The following CUL4B variants were observed in gnomAD, a reference collection of about 807,000 sequenced individuals.
CUL4B encodes the protein cullin-4B.
In CUL4B, 1 loss-of-function variant was observed where a neutral mutation model predicts 69.2. The observed-to-expected ratio is 0.01, with a 90% CI of 0.01 to 0.07. The LOEUF (loss-of-function observed/expected upper bound fraction) is 0.07. Ranked by LOEUF, CUL4B falls within the 10% of genes least tolerant of loss-of-function variation. The pLI is 1.00. For missense variants in CUL4B, 328 were observed against 638.8 expected, an observed-to-expected ratio of 0.51 and a Z score of 5.24; for synonymous variants, 237 against 223.2, an observed-to-expected ratio of 1.06 and a Z score of -0.55.
At chrX:120,556,258 T>C (rs990018621) in intron 2 of CUL4B, among the ~76,000 whole-genome samples, 2 of 111,886 alleles carry the variant, frequency 1.8e-5, no homozygotes, top group Non-Finnish European at 3.8e-5. Context: ...TTATAATGCT[T>C]ATAATGTTAC....
upstream of CUL4B, among the ~76,000 whole-genome samples, chrX:120,562,620 T>A (rs952368121): frequency 9.0e-6 from 1 of 110,966 alleles, no homozygotes; most frequent in Non-Finnish European, 1.9e-5. Context: ...ATAGGAAGAG[T>A]TCTACAGAGA....
upstream of CUL4B, among the ~76,000 whole-genome samples, chrX:120,563,323 T>A (rs1399163888): frequency 5.4e-5 from 6 of 112,086 alleles, no homozygotes; most frequent in Non-Finnish European, 9.4e-5. Flanking sequence ...AACCTCTGCC[T>A]CCCGGGTTCA....
intron 7 of CUL4B, 32 bp downstream of exon 7, chrX:120,544,082 G>A (rs1352005557): frequency 2.2e-6 from 2 of 912,336 alleles, no homozygotes; most frequent in East Asian, 3.1e-5. Flanking sequence ...GTGAGAGACA[G>A]TGAGAATTTA....
intron 18 of CUL4B, 72 bp downstream of exon 18, chrX:120,532,350 A>G: frequency 1.2e-6 from 1 of 836,805 alleles, no homozygotes; most frequent in Non-Finnish European, 1.7e-6. Context: ...AGGTATAAAA[A>G]TCTTTATATA....
At position 120,560,273 on chromosome X, in the gene CUL4B, G is replaced by A. The variant is rs141353300; in HGVS notation, c.366C>T (p.Ser122=). 1.5e-5 allele frequency: 18 copies of A among 1,209,851 alleles called. No individual in the cohort carries two copies. Among genetic ancestry groups the A allele is most frequent in the Non-Finnish European group, 2.0e-5 (18 of 895,240 alleles). ...CAGTTGGTGAAGATGAGGAGGAGGA[G>A]GAGGAGGATTCCTCAGCCATCTTCG... ...FDAKMAEESS[S]SSSSSSPTAA... Residue 122 remains serine (S), a synonymous_variant, in exon 1 of 20, where the codon TCC becomes TCT. Transcript: ENST00000371322.
At chrX:120,543,929 A>C (rs1001889731) in intron 7 of CUL4B, 120 bp from the exon 8 acceptor site, 2 of 599,824 alleles carry the variant, frequency 3.3e-6, no homozygotes, top group Admixed American at 5.7e-5. Flanking sequence ...CATATGTAAA[A>C]ATTTATAGGT....
intron 15 of CUL4B, among the ~76,000 whole-genome samples, chrX:120,536,188 G>A (rs1272815211): frequency 1.8e-5 from 2 of 112,981 alleles, no homozygotes; most frequent in African/African-American, 6.4e-5. Flanking sequence ...TTCACCTGCA[G>A]CAGCTTTTGT....
chrX:120,544,222 G>A lies in CUL4B; in HGVS notation c.1084-19C>T. The A allele has an allele frequency of 9.5e-7, 1 of 1,050,330 alleles. No individual in the cohort carries two copies. The highest frequency in any genetic ancestry group is 1.3e-6 in the Non-Finnish European group (1 of 749,447). 86.6% of individuals were successfully genotyped at this position (1,050,330 alleles called of 1,213,427 possible). A position where few individuals can be genotyped will look rare whatever the true frequency, so the allele number is the denominator to read the frequency against. Reference sequence around the variant, plus strand: ...GATAAATCTGGAGGGGGAACAAAATGAAGGAGATCATTTATTTAGCAAATA... The same window carrying A: ...GATAAATCTGGAGGGGGAACAAAATAAAGGAGATCATTTATTTAGCAAATA... On this transcript the variant is annotated intron_variant, in intron 6 of 19. Transcript: ENST00000371322.
At chrX:120,537,979 AT>A (rs758737173) in intron 14 of CUL4B, 144 bp downstream of exon 14, 86 of 423,105 alleles carry the variant, frequency 2.0e-4, no homozygotes, top group Middle Eastern at 6.7e-4. Flanking sequence ...TATTTCACCA[AT>A]TTTTTTTTCT....
chrX:120,542,428 CT>C (rs1166128118), intron 9 of CUL4B, among the ~76,000 whole-genome samples: 1 of 111,097 alleles, frequency 9.0e-6, no homozygotes, highest in East Asian at 2.8e-4. Context: ...AAAGGTAAGG[CT>C]TTTACCTATT....
In CUL4B at chrX:120,560,938, T is replaced by C. The variant is rs1450126275; in HGVS notation, c.-300A>G. The C allele has an allele frequency of 2.7e-6, 2 of 750,725 alleles. No individual in the cohort carries two copies. Among genetic ancestry groups the C allele is most frequent in the East Asian group, 1.5e-4 (1 of 6,463 alleles). 61.9% of individuals were successfully genotyped at this position (750,725 alleles called of 1,213,427 possible). On this transcript the variant is annotated 5_prime_UTR_variant, in exon 1 of 20. Transcript: ENST00000371322. Reference sequence around the variant, plus strand: ...GCTTTTCGATCTCTCTCCCCCCCTTTCTGCAGGAGCGACTCAGCGAGTCTG... The same window carrying C: ...GCTTTTCGATCTCTCTCCCCCCCTTCCTGCAGGAGCGACTCAGCGAGTCTG...
In CUL4B at chrX:120,530,206, A is replaced by G. The variant is rs1444545733; in HGVS notation, c.2488T>C (p.Tyr830His). ...CGAACAATTGCAGCATCAATTTGAT[A>G]CTGTCTGTCTTGAAATACTCTTTCT... The part of the protein sequence containing the change: ...TTERVFQDRQ[Y>H]QIDAAIVRIM... The change falls in exon 19 of 20, where the codon TAT becomes CAT. Residue 830 changes from tyrosine (Y) to histidine (H), a missense_variant. This residue lies in a region of CUL4B where 98 missense variants were observed against 296.8 expected (regional missense o/e 0.33). Coordinates refer to ENST00000371322, the MANE Select transcript of CUL4B (RefSeq NM_001079872.2). 1 of 1,208,523 alleles carries G rather than the reference A, an allele frequency of 8.3e-7. No individual in the cohort carries two copies. Among genetic ancestry groups the G allele is most frequent in the African/African-American group, 1.7e-5 (1 of 57,798 alleles).
intron 9 of CUL4B, among the ~76,000 whole-genome samples, chrX:120,542,467 G>T (rs1924052474): frequency 9.0e-6 from 1 of 111,605 alleles, no homozygotes; most frequent in African/African-American, 3.3e-5. Context: ...AAAATGTAGG[G>T]TATACTCTAA....
upstream of CUL4B, among the ~76,000 whole-genome samples, chrX:120,566,189 C>T (rs1256930257): frequency 9.5e-6 from 1 of 105,670 alleles, no homozygotes; most frequent in African/African-American, 3.4e-5. Flanking sequence ...GGCCAAAGCT[C>T]AAGCAAAAAT....
chrX:120,561,040 GA>G, upstream of CUL4B: 2 of 969,332 alleles, frequency 2.1e-6, no homozygotes, highest in Non-Finnish European at 2.6e-6. Context: ...GGGGGAGGGG[GA>G]AAGAACCAGG....
Position 120,543,826 on chromosome X carries a change from T to C in CUL4B, c.1174-17A>G. On this transcript the variant is annotated splice_polypyrimidine_tract_variant and intron_variant, in intron 7 of 19. Transcript: ENST00000371322. ...TTCAGGAACCTACAAAGATAGTTTTTTACATTATTGTTTTCCTCCCCATAA... is the reference window on the plus strand; with the variant it reads ...TTCAGGAACCTACAAAGATAGTTTTCTACATTATTGTTTTCCTCCCCATAA... 3 of 1,105,952 alleles carry C rather than the reference T, an allele frequency of 2.7e-6. No homozygotes were observed. The highest frequency in any genetic ancestry group is 3.8e-6 in the Non-Finnish European group (3 of 799,687). The allele number at this position is 1,105,952 out of a possible 1,213,427, so 91.1% of individuals were successfully genotyped here.
At chrX:120,565,609 G>A (rs1316562570), upstream of CUL4B, among the ~76,000 whole-genome samples, 3 of 94,010 alleles carry the variant, frequency 3.2e-5, no homozygotes, top group African/African-American at 1.2e-4. Context: ...TTGAACCCGG[G>A]AGGCAGAGGT....
At chrX:120,572,446 A>C (rs1240767754) in intron 2 of CUL4B, among the ~76,000 whole-genome samples, 2 of 93,449 alleles carry the variant, frequency 2.1e-5, no homozygotes, top group African/African-American at 8.1e-5. Flanking sequence ...CAGCCTGAGC[A>C]ACAAGAGCAA....
At chrX:120,562,580 G>A (rs993729962), upstream of CUL4B, among the ~76,000 whole-genome samples, 1 of 111,782 alleles carries the variant, frequency 8.9e-6, no homozygotes, top group African/African-American at 3.3e-5. Context: ...GTCAGAAGAG[G>A]CAAAACAAGA....
Sources: allele counts gnomAD v4.1 joint callset (sites outside exome capture counted in the v4.1 genomes callset), GRCh38; gene constraint gnomAD v4.1.1; regional missense constraint gnomAD v4.1.1; transcripts MANE v1.5; gene names NCBI Gene and HGNC (gene_info 2026-07-23, HGNC 2026-07-21).